ZNF652: variants seen among roughly 807,000 people sequenced by gnomAD.
ZNF652 encodes the protein zinc finger protein 652.
In ZNF652, 16 loss-of-function variants were observed where a neutral mutation model predicts 45.2. The ratio of observed to expected loss-of-function variants is 0.35; its 90% confidence interval spans 0.24 to 0.54. The LOEUF is 0.54. ZNF652 is among the 20% of genes least tolerant of loss of function. The probability of loss-of-function intolerance (pLI) is 0.91; values close to 1 mark genes in which losing one functional copy is unlikely to be tolerated. For synonymous variants in ZNF652, 250 were observed against 260.6 expected, an observed-to-expected ratio of 0.96 and a Z score of 0.39; for missense variants, 614 against 765.6, an observed-to-expected ratio of 0.80 and a Z score of 2.34.
In ZNF652 at chr17:49,327,757, ATATATATATATATATATATATATT is replaced by A. The variant is rs1567690433; in HGVS notation, c.-258-9798_-258-9775del. Among the ~76,000 whole-genome samples, 76 of 14,514 alleles carry A rather than the reference ATATATATATATATATATATATATT, an allele frequency of 5.2e-3. 3 individuals carry two copies. Among genetic ancestry groups the A allele is most frequent in the East Asian group, 0.013 (4 of 318 alleles). The allele number at this position is 14,514 out of a possible 152,430, so 9.5% of individuals were successfully genotyped here. ...TATATATATATATATATATATATATATATATATATATATATATATATATTTTTTTTTTTTTTTTTTAGTAGAGAT... is the reference window on the plus strand; with the variant it reads ...TATATATATATATATATATATATATATTTTTTTTTTTTTTTTAGTAGAGAT... On this transcript the variant is annotated intron_variant, in intron 1 of 5. Coordinates refer to ENST00000430262, the MANE Select transcript of ZNF652 (RefSeq NM_001145365.3).
At chr17:49,336,942 G>GTTTTTTTTT (rs200178711) in intron 1 of ZNF652, among the ~76,000 whole-genome samples, 10 of 115,142 alleles carry the variant, frequency 8.7e-5, no homozygotes, top group African/African-American at 3.3e-4. Flanking sequence ...TCTTAATGGT[G>GTTTTTTTTT]TTTTTTTTTT....
intron 1 of ZNF652, among the ~76,000 whole-genome samples, chr17:49,351,039 AC>A: frequency 7.2e-6 from 1 of 138,886 alleles, no homozygotes; most frequent in African/African-American, 2.8e-5. Flanking sequence ...ACACACACAC[AC>A]ACACACACAC....
intron 5 of ZNF652, among the ~76,000 whole-genome samples, chr17:49,301,080 C>T (rs990519291): frequency 6.6e-6 from 1 of 152,088 alleles, no homozygotes; most frequent in Non-Finnish European, 1.5e-5. Flanking sequence ...TTTTCCCACC[C>T]TCCAGGACCC....
At chr17:49,360,291 G>A (rs141666941) in intron 1 of ZNF652, among the ~76,000 whole-genome samples, 1 of 151,922 alleles carries the variant, frequency 6.6e-6, no homozygotes, top group Non-Finnish European at 1.5e-5. Flanking sequence ...AACACACAAC[G>A]CAAGTTCCTT....
chr17:49,312,144 C>T, intron 3 of ZNF652, 102 bp from the exon 4 acceptor site: 1 of 411,122 alleles, frequency 2.4e-6, no homozygotes, highest in Non-Finnish European at 4.5e-6. Context: ...TAATTTTCTA[C>T]ACTGATTTGT....
At chr17:49,303,242 C>CTTTTTTTT (rs1598283490) in intron 5 of ZNF652, among the ~76,000 whole-genome samples, 1 of 74,628 alleles carries the variant, frequency 1.3e-5, no homozygotes, top group African/African-American at 7.1e-5. Flanking sequence ...ATTCTTTACG[C>CTTTTTTTT]TTATCTTTTT....
chr17:49,341,549 A>T, intron 1 of ZNF652, among the ~76,000 whole-genome samples: 1 of 150,618 alleles, frequency 6.6e-6, no homozygotes, highest in East Asian at 1.9e-4. Context: ...CAATAGTCCC[A>T]GCTACTCAGG....
At chr17:49,335,479 T>C (rs558441072) in intron 1 of ZNF652, among the ~76,000 whole-genome samples, 2 of 152,252 alleles carry the variant, frequency 1.3e-5, no homozygotes, top group South Asian at 2.1e-4. Context: ...TGGTCACCTA[T>C]TGCCACACAG....
downstream of ZNF652, chr17:49,288,210 G>C (rs2069361773): frequency 6.6e-6 from 1 of 152,022 alleles, no homozygotes; most frequent in Non-Finnish European, 1.5e-5. Flanking sequence ...TCTTGCTATG[G>C]GGTCATGGTG....
chr17:49,317,619 A>G lies in ZNF652; in HGVS notation c.107T>C (p.Phe36Ser). ...AAGTTCTTGGTTGGCACCATGATAA[A>G]AGGAAGATGGCACTTGACCACGACG... Reference protein sequence around the residue: ...DSRRGQVPSSFYHGANQELDL... With the variant: ...DSRRGQVPSSSYHGANQELDL... Residue 36 changes from phenylalanine (F) to serine (S), a missense_variant, in exon 2 of 6, where the codon TTT becomes TCT. Phe to Ser is a radical substitution (Grantham distance 155). This residue lies in a region of ZNF652 where 133 missense variants were observed against 132.2 expected (regional missense o/e 1.01). Transcript: ENST00000430262. 1 of 1,614,092 alleles carries G rather than the reference A, an allele frequency of 6.2e-7. No homozygotes were observed. Among genetic ancestry groups the G allele is most frequent in the South Asian group, 1.1e-5 (1 of 91,072 alleles).
chr17:49,351,822 G>A (rs2070285974), intron 1 of ZNF652, among the ~76,000 whole-genome samples: 1 of 151,914 alleles, frequency 6.6e-6, no homozygotes, highest in Non-Finnish European at 1.5e-5. Flanking sequence ...CACCTATACA[G>A]GAAAAAGTAC....
At chr17:49,353,788 C>A (rs1051920721) in intron 1 of ZNF652, among the ~76,000 whole-genome samples, 2 of 152,074 alleles carry the variant, frequency 1.3e-5, no homozygotes, top group African/African-American at 4.8e-5. Context: ...GGATCATAGT[C>A]AAAAAGTTTG....
chr17:49,318,369 C>A (rs2069840911), intron 1 of ZNF652, among the ~76,000 whole-genome samples: 1 of 152,164 alleles, frequency 6.6e-6, no homozygotes, highest in South Asian at 2.1e-4. Context: ...AGCCACCACG[C>A]CTGGCCAAAA....
chr17:49,335,848 A>G (rs1383540033), intron 1 of ZNF652, among the ~76,000 whole-genome samples: 1 of 152,198 alleles, frequency 6.6e-6, no homozygotes, highest in South Asian at 2.1e-4. Flanking sequence ...AACACAACAC[A>G]GAGTCCACCA....
chr17:49,300,100 T>C (rs1241208287), intron 5 of ZNF652, among the ~76,000 whole-genome samples: 1 of 152,220 alleles, frequency 6.6e-6, no homozygotes, highest in Non-Finnish European at 1.5e-5. Context: ...AGCTTGCTTT[T>C]TGGCACTGAA....
At position 49,292,398 on chromosome 17, in the gene ZNF652, A is replaced by G. The variant is rs745865094; in HGVS notation, c.*6015T>C. On this transcript the variant is annotated 3_prime_UTR_variant, in exon 6 of 6. Transcript: ENST00000430262. ...CTCCTTTTCATTACATCCTTCATAT[A>G]TTATGGATCCATCATACATTTTAAA... Among the ~76,000 whole-genome samples, 18 of 152,210 alleles carry G rather than the reference A, an allele frequency of 1.2e-4. No homozygotes were observed. The highest frequency in any genetic ancestry group is 4.1e-4 in the African/African-American group (17 of 41,458).
chr17:49,312,242 T>C (rs1598291450), intron 3 of ZNF652, among the ~76,000 whole-genome samples, 200 bp from the exon 4 acceptor site: 1 of 142,452 alleles, frequency 7.0e-6, no homozygotes, highest in Non-Finnish European at 1.5e-5. Context: ...CTTGGCTCAC[T>C]GCAACCTCTG....
chr17:49,345,450 C>G (rs1381644865), intron 1 of ZNF652, among the ~76,000 whole-genome samples: 1 of 151,346 alleles, frequency 6.6e-6, no homozygotes, highest in Non-Finnish European at 1.5e-5. Flanking sequence ...GATATGCCCA[C>G]CTCGGCCTCC....
Position 49,358,151 on chromosome 17 carries a change from C to A in ZNF652, c.-259+3758G>T, listed in dbSNP as rs142421524. ...CATTCTGCTGCTGAGGAAACTGAGG[C>A]CAGAGAGCTCAAAGTGACTTGTTCA... On this transcript the variant is annotated intron_variant, in intron 1 of 5. Coordinates refer to ENST00000430262, the MANE Select transcript of ZNF652 (RefSeq NM_001145365.3). Among the ~76,000 whole-genome samples, 3 of 152,146 alleles carry A rather than the reference C, an allele frequency of 2.0e-5. No individual in the cohort carries two copies. In the East Asian group the frequency reaches 5.8e-4, roughly 29 times the overall value.
Sources: allele counts gnomAD v4.1 joint callset (sites outside exome capture counted in the v4.1 genomes callset), GRCh38; gene constraint gnomAD v4.1.1; regional missense constraint gnomAD v4.1.1; transcripts MANE v1.5; gene names NCBI Gene and HGNC (gene_info 2026-07-23, HGNC 2026-07-21).